NCS1: variants seen among roughly 807,000 people sequenced by gnomAD.
The protein encoded by NCS1 is frequenin homolog.
NCS1 carries 6 observed loss-of-function variants against 28.4 expected under a neutral mutation model. That is an observed-to-expected ratio of 0.21 (90% CI 0.12 to 0.42). The LOEUF (loss-of-function observed/expected upper bound fraction) is 0.42. Among genes scored for constraint, NCS1 ranks in the 10% least tolerant of loss-of-function variants. The pLI is 1.00. For missense variants in NCS1, 131 were observed against 241.4 expected, an observed-to-expected ratio of 0.54 and a Z score of 3.03; for synonymous variants, 86 against 99.3, an observed-to-expected ratio of 0.87 and a Z score of 0.79.
chr9:130,219,619 C>A lies in NCS1; in HGVS notation c.229-106C>A. ...CCCTCTCCACCTGAGTGTCCATTGG[C>A]CACAGTGTCTGGAGCCTGCGACTGC... On this transcript the variant is annotated intron_variant, in intron 3 of 7. Transcript: ENST00000372398. This position sits in a 1 kb window ranked among gnomAD's most constrained non-coding sequence, Gnocchi z 5.7. The A allele has an allele frequency of 9.8e-7, 1 of 1,015,812 alleles. No homozygotes were observed. The highest frequency in any genetic ancestry group is 1.5e-6 in the Non-Finnish European group (1 of 657,976). 62.9% of individuals were successfully genotyped at this position (1,015,812 alleles called of 1,614,324 possible). A position where few individuals can be genotyped will look rare whatever the true frequency, so the allele number is the denominator to read the frequency against.
In NCS1 at chr9:130,222,116, A is replaced by ATATATATATGTGTATATATATATACG. The variant is rs1564714065; in HGVS notation, c.308-524_308-499dup. On this transcript the variant is annotated intron_variant, in intron 4 of 7. Transcript: ENST00000372398. ...TGTGTGTGTGTATATATATATACGT[A>ATATATATATGTGTATATATATATACG]TATATATATGTGTATATATATATAC... Among the ~76,000 whole-genome samples the ATATATATATGTGTATATATATATACG allele has an allele frequency of 8.6e-4, 119 of 137,752 alleles. 3 individuals are homozygous for ATATATATATGTGTATATATATATACG. The highest frequency in any genetic ancestry group is 3.1e-3 in the African/African-American group (113 of 36,258). 90.4% of individuals were successfully genotyped at this position (137,752 alleles called of 152,430 possible).
At chr9:130,206,991 CAT>C (rs1320017621) in intron 2 of NCS1, among the ~76,000 whole-genome samples, 8 of 152,326 alleles carry the variant, frequency 5.3e-5, no homozygotes, top group African/African-American at 1.7e-4. Context: ...TTGTTCATCA[CAT>C]GTGTGGGGCT....
intron 2 of NCS1, among the ~76,000 whole-genome samples, chr9:130,206,167 C>T (rs144282480): frequency 3.7e-4 from 56 of 152,274 alleles, no homozygotes; most frequent in African/African-American, 1.3e-3. Context: ...ACTGCTGTTA[C>T]CATACAAAAT....
intron 1 of NCS1, chr9:130,200,745 T>G (rs1554907376): frequency 3.5e-6 from 5 of 1,414,536 alleles, no homozygotes; most frequent in East Asian, 2.5e-5. Context: ...CGGGAAGGGG[T>G]GGGGCCAGTG....
intron 1 of NCS1, among the ~76,000 whole-genome samples, chr9:130,182,431 C>T (rs1417075420): frequency 2.0e-5 from 3 of 152,220 alleles, no homozygotes; most frequent in Non-Finnish European, 2.9e-5. Context: ...ATCCCGGACT[C>T]CTGGGCTGGG....
intron 1 of NCS1, among the ~76,000 whole-genome samples, chr9:130,184,731 G>A (rs768657573): frequency 1.3e-5 from 2 of 151,814 alleles, no homozygotes; most frequent in Non-Finnish European, 2.9e-5. Context: ...AGGTTCAAGC[G>A]ATTCTCTTGC....
At position 130,176,674 on chromosome 9, in the gene NCS1, T is replaced by TA. The variant is rs1396290031; in HGVS notation, c.64+3948dup. Among the ~76,000 whole-genome samples, 18 of 152,346 alleles carry TA rather than the reference T, an allele frequency of 1.2e-4. No homozygotes were observed. In the South Asian group the frequency reaches 1.2e-3, roughly 11 times the overall value. ...CTGAATCCCAGCAGGGGCCTGCTCT[T>TA]ACGTGTAGCGGCCTCCGCAGCCCCA... On this transcript the variant is annotated intron_variant, in intron 1 of 7. Coordinates refer to ENST00000372398, the MANE Select transcript of NCS1 (RefSeq NM_014286.4).
chr9:130,173,454 T>G (rs1159923144), intron 1 of NCS1, among the ~76,000 whole-genome samples: 1 of 152,164 alleles, frequency 6.6e-6, no homozygotes, highest in African/African-American at 2.4e-5. Context: ...TGTGTCTCCC[T>G]CCACTTGCCT....
chr9:130,203,371 C>T (rs1274803436), intron 2 of NCS1, among the ~76,000 whole-genome samples: 1 of 152,250 alleles, frequency 6.6e-6, no homozygotes, highest in East Asian at 1.9e-4. Flanking sequence ...TCCCAAAATG[C>T]TGGGATTACA....
chr9:130,222,477 ATGG>A (rs782175655), intron 4 of NCS1, among the ~76,000 whole-genome samples, 170 bp from the exon 5 acceptor site: 4 of 151,630 alleles, frequency 2.6e-5, no homozygotes, highest in Non-Finnish European at 4.4e-5. Flanking sequence ...CCTAGTTGCA[ATGG>A]TGTGTGTGTG....
At chr9:130,183,139 G>T (rs900295250) in intron 1 of NCS1, among the ~76,000 whole-genome samples, 9 of 152,226 alleles carry the variant, frequency 5.9e-5, no homozygotes, top group Admixed American at 5.9e-4. Context: ...CCTACAGTCT[G>T]TCGGGGAAGG....
At chr9:130,222,351 C>T (rs1833342537) in intron 4 of NCS1, among the ~76,000 whole-genome samples, 1 of 151,708 alleles carries the variant, frequency 6.6e-6, no homozygotes, top group Non-Finnish European at 1.5e-5. Context: ...CGGGGTTTTG[C>T]CATGTTGTCC....
chr9:130,225,930 C>T (rs1476526910), intron 6 of NCS1, among the ~76,000 whole-genome samples: 1 of 152,310 alleles, frequency 6.6e-6, no homozygotes, highest in East Asian at 1.9e-4. Context: ...GAGCCATGTC[C>T]AGCCCCCTGC....
intron 2 of NCS1, among the ~76,000 whole-genome samples, chr9:130,210,843 C>CTTTTTTTTTTTTTTTTTTTTTT (rs3055582): frequency 7.1e-6 from 1 of 141,040 alleles, no homozygotes; most frequent in African/African-American, 2.6e-5. Flanking sequence ...TTTTTCTTTT[C>CTTTTTTTTTTTTTTTTTTTTTT]TTTTTTTTTT....
At chr9:130,223,305 G>T in intron 6 of NCS1, 146 bp downstream of exon 6, 1 of 692,334 alleles carries the variant, frequency 1.4e-6, no homozygotes, top group Admixed American at 2.3e-5. Context: ...TCCCTGCTCA[G>T]CAGCTAGCCC....
chr9:130,198,120 C>T (rs550756819), intron 1 of NCS1, among the ~76,000 whole-genome samples: 2 of 152,220 alleles, frequency 1.3e-5, no homozygotes, highest in African/African-American at 4.8e-5. Flanking sequence ...TTATCTCCCC[C>T]ACCCTAGCTC....
chr9:130,230,346 GTCTGAAAAACAAAACA>G (rs1833484170), intron 7 of NCS1, among the ~76,000 whole-genome samples: 1 of 151,826 alleles, frequency 6.6e-6, no homozygotes, highest in Non-Finnish European at 1.5e-5. Context: ...GTGAGACTCT[GTCTGAAAAACAAAACA>G]AAACAAATTA....
intron 1 of NCS1, among the ~76,000 whole-genome samples, chr9:130,174,790 C>CAA (rs34473694): frequency 7.9e-4 from 72 of 91,530 alleles, no homozygotes; most frequent in Admixed American, 1.4e-3. Context: ...ACTCTGTCTC[C>CAA]AAAAAAAAAA....
chr9:130,202,012 A>G (rs1312346714), intron 2 of NCS1, among the ~76,000 whole-genome samples: 1 of 152,072 alleles, frequency 6.6e-6, no homozygotes, highest in Non-Finnish European at 1.5e-5. Flanking sequence ...ACCTCCCTAG[A>G]TTCCCCATCC....
Sources: allele counts gnomAD v4.1 joint callset (sites outside exome capture counted in the v4.1 genomes callset), GRCh38; gene constraint gnomAD v4.1.1; non-coding constraint Gnocchi (gnomAD v3.1); transcripts MANE v1.5; gene names NCBI Gene and HGNC (gene_info 2026-07-23, HGNC 2026-07-21).